Variants in BAG5 observed in about 807,000 individuals in gnomAD.
The protein encoded by BAG5 is BAG family molecular chaperone regulator 5.
A neutral mutation model predicts 31.8 loss-of-function variants in BAG5; 25 were observed. The ratio of observed to expected loss-of-function variants is 0.79; its 90% confidence interval spans 0.57 to 1.10. The LOEUF (loss-of-function observed/expected upper bound fraction) is 1.10. Ranked by LOEUF, BAG5 falls within the 50% of genes least tolerant of loss-of-function variation. The probability of loss-of-function intolerance (pLI) is 0.00; values close to 1 mark genes in which losing one functional copy is unlikely to be tolerated. For missense variants in BAG5, 491 were observed against 527.9 expected (o/e 0.93, Z 0.68); for synonymous variants, 208 against 205.0 (o/e 1.01, Z -0.13).
rs191991492 is a variant in BAG5, at chr14:103,558,959, G to A, written c.*862C>T. 13 of 151,012 alleles carry A rather than the reference G, an allele frequency of 8.6e-5. No homozygotes were observed. Among genetic ancestry groups the A allele is most frequent in the African/African-American group, 1.9e-4 (8 of 41,160 alleles). 9.4% of individuals were successfully genotyped at this position (151,012 alleles called of 1,614,324 possible). A position where few individuals can be genotyped will look rare whatever the true frequency, so the allele number is the denominator to read the frequency against. ...TAGTATAACCTGACATTGGTAACCCGTCTCCAGTATTCATCCTCCAACTAC... is the reference window on the plus strand; with the variant it reads ...TAGTATAACCTGACATTGGTAACCCATCTCCAGTATTCATCCTCCAACTAC... On this transcript the variant is annotated 3_prime_UTR_variant, in exon 2 of 2. Transcript: ENST00000299204.
chr14:103,561,301 GCAGTCATCC>G (rs2076071929), intron 1 of BAG5, 109 bp from the exon 2 acceptor site: 3 of 1,205,006 alleles, frequency 2.5e-6, no homozygotes, highest in Middle Eastern at 5.6e-4. Context: ...ATACTTCTGA[GCAGTCATCC>G]CACCTCAGCC....
At position 103,560,544 on chromosome 14, in the gene BAG5, C is replaced by T; in HGVS notation, c.621G>A (p.Val207=). 1 of 1,614,112 alleles carries T rather than the reference C, an allele frequency of 6.2e-7. No homozygotes were observed. Among genetic ancestry groups the T allele is most frequent in the Non-Finnish European group, 8.5e-7 (1 of 1,180,016 alleles). ...RGVLIALLMG[V]NNNETCRHLS... ...AGTGCCTGCAGGTCTCATTGTTGTT[C>T]ACACCCATCAGAAGTGCAATCAGGA... Residue 207 remains valine, a synonymous_variant, in exon 2 of 2, where the codon GTG becomes GTA. Transcript: ENST00000299204.
chr14:103,562,053 C>T, intron 1 of BAG5: 1 of 1,323,872 alleles, frequency 7.6e-7, no homozygotes, highest in East Asian at 2.3e-5. Context: ...GGGAAGGCGG[C>T]CCGAGCTGCT....
In BAG5 at chr14:103,558,845, G is replaced by A. The variant is rs962941958; in HGVS notation, c.*976C>T. The A allele has an allele frequency of 4.6e-5, 7 of 152,194 alleles. No homozygotes were observed. The highest frequency in any genetic ancestry group is 7.3e-5 in the Non-Finnish European group (5 of 68,032). The allele number at this position is 152,194 out of a possible 1,614,324, so 9.4% of individuals were successfully genotyped here. A position where few individuals can be genotyped will look rare whatever the true frequency, so the allele number is the denominator to read the frequency against. Reference sequence around the variant, plus strand: ...TACCCTCACGTTGTAAAACAGCACCGGGGAGGTGTGACAAGGCTGTCCATT... The same window carrying A: ...TACCCTCACGTTGTAAAACAGCACCAGGGAGGTGTGACAAGGCTGTCCATT... On this transcript the variant is annotated 3_prime_UTR_variant, in exon 2 of 2. Transcript: ENST00000299204.
chr14:103,557,194 C>T lies in BAG5; in HGVS notation c.*2627G>A, dbSNP rs549861501. On this transcript the variant is annotated 3_prime_UTR_variant, in exon 2 of 2. Coordinates refer to ENST00000299204, the MANE Select transcript of BAG5 (RefSeq NM_001015048.3). The stretch of plus-strand genomic sequence containing the variant: ...CTTGCAGTACAGATTCTTTTCATTA[C>T]AGATCACAAAAATACAATACAATGT... The T allele has an allele frequency of 6.6e-6, 1 of 152,328 alleles. No individual in the cohort carries two copies. The highest frequency in any genetic ancestry group is 1.9e-4 in the East Asian group (1 of 5,196). 9.4% of individuals were successfully genotyped at this position (152,328 alleles called of 1,614,324 possible). A position where few individuals can be genotyped will look rare whatever the true frequency, so the allele number is the denominator to read the frequency against.
chr14:103,559,728 A>G lies in BAG5; in HGVS notation c.*93T>C. On this transcript the variant is annotated 3_prime_UTR_variant, in exon 2 of 2. Coordinates refer to ENST00000299204, the MANE Select transcript of BAG5 (RefSeq NM_001015048.3). ...TTCAATCATAAATACTGAGACTGAA[A>G]TATGCACGTATAAATCAATGAACTG... is the stretch of plus-strand genomic sequence containing the variant. 1 of 1,429,750 alleles carries G rather than the reference A, an allele frequency of 7.0e-7. No individual in the cohort carries two copies. Among genetic ancestry groups the G allele is most frequent in the Middle Eastern group, 1.8e-4 (1 of 5,418 alleles). 88.6% of individuals were successfully genotyped at this position (1,429,750 alleles called of 1,614,324 possible).
chr14:103,559,349 T>C lies in BAG5; in HGVS notation c.*472A>G, dbSNP rs76189229. On this transcript the variant is annotated 3_prime_UTR_variant, in exon 2 of 2. Coordinates refer to ENST00000299204, the MANE Select transcript of BAG5 (RefSeq NM_001015048.3). Reference sequence around the variant, plus strand: ...GCTGGGTAGGACCAATCAGGCCTTATAAGTGAAAAAAAAGCCTTCTATCGA... The same window carrying C: ...GCTGGGTAGGACCAATCAGGCCTTACAAGTGAAAAAAAAGCCTTCTATCGA... The C allele has an allele frequency of 1.2e-3, 183 of 156,296 alleles. 4 individuals are homozygous for C. The East Asian group carries it at 0.033, about 28-fold the overall frequency. 9.7% of individuals were successfully genotyped at this position (156,296 alleles called of 1,614,324 possible). A position where few individuals can be genotyped will look rare whatever the true frequency, so the allele number is the denominator to read the frequency against.
rs1052725417 is a variant in BAG5 at position 103,560,562 on chromosome 14, A to T, written c.603T>A (p.Ile201=). 3 of 1,614,106 alleles carry T rather than the reference A, an allele frequency of 1.9e-6. No homozygotes were observed. The highest frequency in any genetic ancestry group is 2.5e-6 in the Non-Finnish European group (3 of 1,180,010). ...CEVNKARGVL[I]ALLMGVNNNE... ...TGTTGTTCACACCCATCAGAAGTGCAATCAGGACCCCTCGGGCCTTGTTCA... is the reference window on the plus strand; with the variant it reads ...TGTTGTTCACACCCATCAGAAGTGCTATCAGGACCCCTCGGGCCTTGTTCA... The change falls in exon 2 of 2, where the codon ATT becomes ATA. Residue 201 remains isoleucine (I), a synonymous_variant. Coordinates refer to ENST00000299204, the MANE Select transcript of BAG5 (RefSeq NM_001015048.3).
At position 103,558,921 on chromosome 14, in the gene BAG5, T is replaced by G. The variant is rs924682357; in HGVS notation, c.*900A>C. 5 of 152,178 alleles carry G rather than the reference T, an allele frequency of 3.3e-5. No homozygotes were observed. Among genetic ancestry groups the G allele is most frequent in the African/African-American group, 1.2e-4 (5 of 41,424 alleles). 9.4% of individuals were successfully genotyped at this position (152,178 alleles called of 1,614,324 possible). A position where few individuals can be genotyped will look rare whatever the true frequency, so the allele number is the denominator to read the frequency against. On this transcript the variant is annotated 3_prime_UTR_variant, in exon 2 of 2. Coordinates refer to ENST00000299204, the MANE Select transcript of BAG5 (RefSeq NM_001015048.3). ...ACCATTATGTGCTACATTCAGACTT[T>G]CTGATTTAGTTTTAGTATAACCTGA... is the stretch of plus-strand genomic sequence containing the variant.
chr14:103,557,271 C>T lies in BAG5; in HGVS notation c.*2550G>A, dbSNP rs1394213448. ...CAGTAGCTCATATTAACACAAACAG[C>T]TCCCCACGAAGGCCGACAAGAGCTA... On this transcript the variant is annotated 3_prime_UTR_variant, in exon 2 of 2. Coordinates refer to ENST00000299204, the MANE Select transcript of BAG5 (RefSeq NM_001015048.3). 1.3e-5 allele frequency: 2 copies of T among 152,222 alleles called. No individual in the cohort carries two copies. Among genetic ancestry groups the T allele is most frequent in the African/African-American group, 2.4e-5 (1 of 41,438 alleles). 9.4% of individuals were successfully genotyped at this position (152,222 alleles called of 1,614,324 possible).
Position 103,559,895 on chromosome 14 carries a change from T to C in BAG5, c.1270A>G (p.Arg424Gly), listed in dbSNP as rs758938706. Residue 424 changes from arginine to glycine, a missense_variant, in exon 2 of 2, where the codon AGG (arginine) becomes GGG (glycine). Coordinates refer to ENST00000299204, the MANE Select transcript of BAG5 (RefSeq NM_001015048.3). The stretch of plus-strand genomic sequence containing the variant: ...TGCGCAAGCCTCACAGCTTGTTTCC[T>C]GGCAGCCTTACACTTCTCTTCTCCC... ...PQGEEKCKAA[R>G]KQAVRLAQNI... 2 of 1,614,236 alleles carry C rather than the reference T, an allele frequency of 1.2e-6. No individual in the cohort carries two copies. Among genetic ancestry groups the C allele is most frequent in the Middle Eastern group, 1.6e-4 (1 of 6,062 alleles).
At chr14:103,562,176 G>C in intron 1 of BAG5, 1 of 617,862 alleles carries the variant, frequency 1.6e-6, no homozygotes, top group East Asian at 2.8e-5. Flanking sequence ...GCCCTTTACG[G>C]GGTGCGGCAC....
At position 103,558,993 on chromosome 14, in the gene BAG5, G is replaced by A. The variant is rs1595126042; in HGVS notation, c.*828C>T. The A allele has an allele frequency of 1.7e-5, 2 of 118,752 alleles. No homozygotes were observed. Among genetic ancestry groups the A allele is most frequent in the South Asian group, 4.9e-4 (2 of 4,078 alleles). 7.4% of individuals were successfully genotyped at this position (118,752 alleles called of 1,614,324 possible). ...ATTCATCCTCCAACTACAGGTATGA[G>A]TGTTTCCTTTTTTTTTTTTTAAAGG... On this transcript the variant is annotated 3_prime_UTR_variant, in exon 2 of 2. Coordinates refer to ENST00000299204, the MANE Select transcript of BAG5 (RefSeq NM_001015048.3).
At position 103,560,969 on chromosome 14, in the gene BAG5, G is replaced by A. The variant is rs1246440372; in HGVS notation, c.196C>T (p.Gln66Ter). Residue 66 changes from glutamine (Q) to a stop codon, truncating the protein, a stop_gained, in exon 2 of 2, where the codon CAA becomes TAA. Coordinates refer to ENST00000299204, the MANE Select transcript of BAG5 (RefSeq NM_001015048.3). LOFTEE classifies it high-confidence loss of function. Reference protein sequence around the residue: ...VDTEGKGDIQQARKRAAQETE... With the variant: ...VDTEGKGDIQ ...TCCTGTGCTGCCCGCTTCCTAGCTT[G>A]CTGAATATCTCCTTTTCCTTCAGTA... is the stretch of plus-strand genomic sequence containing the variant. 3 of 1,614,054 alleles carry A rather than the reference G, an allele frequency of 1.9e-6. No homozygotes were observed. Among genetic ancestry groups the A allele is most frequent in the African/African-American group, 2.7e-5 (2 of 74,916 alleles).
rs1038552934 is a variant in BAG5, at chr14:103,562,603, G to A, written c.-29+13C>T. The A allele has an allele frequency of 1.2e-5, 2 of 173,214 alleles. No homozygotes were observed. Among genetic ancestry groups the A allele is most frequent in the Non-Finnish European group, 2.4e-5 (2 of 81,970 alleles). The allele number at this position is 173,214 out of a possible 1,614,324, so 10.7% of individuals were successfully genotyped here. A position where few individuals can be genotyped will look rare whatever the true frequency, so the allele number is the denominator to read the frequency against. ...CGAGAGAGGGAAAAGGCTACAAGCC[G>A]CGCTTCGCTCACCTGTCCCGCCCGC... On this transcript the variant is annotated intron_variant, in intron 1 of 1. Transcript: ENST00000299204.
intron 1 of BAG5, chr14:103,562,320 G>A (rs925190189): frequency 8.0e-6 from 3 of 372,794 alleles, no homozygotes; most frequent in East Asian, 1.2e-4. Flanking sequence ...CGCGCCTGCA[G>A]GACGTGACCT....
At position 103,561,811 on chromosome 14, in the gene BAG5, G is replaced by T. The variant is rs530076074; in HGVS notation, c.-28-619C>A. On this transcript the variant is annotated intron_variant, in intron 1 of 1. Transcript: ENST00000299204. ...ACAGCGCTGAAGGGCACCACCTTGG[G>T]CTTTCGAGGCCCAACACCTCCTCAG... The T allele has an allele frequency of 3.5e-5, 29 of 830,098 alleles. No individual in the cohort carries two copies. The Admixed American group carries it at 5.3e-4, about 15-fold the overall frequency. 51.4% of individuals were successfully genotyped at this position (830,098 alleles called of 1,614,324 possible). A position where few individuals can be genotyped will look rare whatever the true frequency, so the allele number is the denominator to read the frequency against.
In BAG5 at chr14:103,560,224, A is replaced by G. The variant is rs755708077; in HGVS notation, c.941T>C (p.Ile314Thr). ...AAGACTTACCTCATCCAACTGTCCA[A>G]TTAAACCCTGCAATTCTGTTTTGGA... ...LSSKTELQGLIGQLDEVSLEK... is the reference protein window; with the variant it reads ...LSSKTELQGLTGQLDEVSLEK... Residue 314 changes from isoleucine (I) to threonine (T), a missense_variant, in exon 2 of 2, where the codon ATT becomes ACT. Physicochemically the swap from Ile to Thr is moderately conservative, Grantham distance 89. Transcript: ENST00000299204. The G allele has an allele frequency of 3.1e-6, 5 of 1,614,170 alleles. No individual in the cohort carries two copies. The highest frequency in any genetic ancestry group is 2.2e-5 in the East Asian group (1 of 44,886).
rs1305280536 is a variant in BAG5 at position 103,560,945 on chromosome 14, C to G, written c.220G>C (p.Glu74Gln). 6 of 1,614,064 alleles carry G rather than the reference C, an allele frequency of 3.7e-6. No individual in the cohort carries two copies. The African/African-American group carries it at 8.0e-5, about 22-fold the overall frequency. Residue 74 changes from glutamate (E) to glutamine (Q), a missense_variant, in exon 2 of 2, where the codon GAG (glutamate) becomes CAG (glutamine). Glu to Gln is a conservative substitution (Grantham distance 29). Transcript: ENST00000299204. ...AACTCTTTGAGAAGACGTTCTGTCT[C>G]CTGTGCTGCCCGCTTCCTAGCTTGC... Reference protein sequence around the residue: ...IQQARKRAAQETERLLKELEQ... With the variant: ...IQQARKRAAQQTERLLKELEQ...
Sources: gnomAD v4.1 joint callset for allele counts on GRCh38, gnomAD v4.1.1 for gene constraint, MANE v1.5 for transcripts, NCBI Gene and HGNC (gene_info 2026-07-23, HGNC 2026-07-21) for gene names.